The following ASTN1 variants were observed in gnomAD, a reference collection of about 807,000 sequenced individuals.
ASTN1 encodes astrotactin 1.
Under a neutral mutation model 140.7 loss-of-function variants are expected in ASTN1, and 41 were observed. The ratio of observed to expected loss-of-function variants is 0.29; its 90% confidence interval spans 0.23 to 0.38. The LOEUF (loss-of-function observed/expected upper bound fraction) is 0.38. Among genes scored for constraint, ASTN1 ranks in the 10% least tolerant of loss-of-function variants. The pLI is 1.00. For synonymous variants in ASTN1, 640 were observed against 652.2 expected, an observed-to-expected ratio of 0.98 and a Z score of 0.29; for missense variants, 1,479 against 1,678.8, an observed-to-expected ratio of 0.88 and a Z score of 2.08.
At chr1:177,020,769 T>C (rs886892303) in intron 7 of ASTN1, among the ~76,000 whole-genome samples, 6 of 152,310 alleles carry the variant, frequency 3.9e-5, no homozygotes, top group African/African-American at 1.4e-4. Flanking sequence ...AGAGACTCAC[T>C]TGGGGATGCT....
At chr1:177,018,740 G>A (rs1675682113) in intron 7 of ASTN1, among the ~76,000 whole-genome samples, 2 of 152,100 alleles carry the variant, frequency 1.3e-5, no homozygotes, top group Admixed American at 6.5e-5. Flanking sequence ...GAAAGAGAAA[G>A]GTCACTGAAA....
At chr1:177,078,335 A>G (rs1679018720) in intron 1 of ASTN1, among the ~76,000 whole-genome samples, 1 of 152,018 alleles carries the variant, frequency 6.6e-6, no homozygotes, top group Admixed American at 6.6e-5. Flanking sequence ...CCTCACAAAC[A>G]TTTCCCACCA....
At chr1:176,878,118 C>T (rs892971511) in intron 20 of ASTN1, among the ~76,000 whole-genome samples, 6 of 152,164 alleles carry the variant, frequency 3.9e-5, no homozygotes, top group Non-Finnish European at 8.8e-5. Context: ...CAGGCAGCCC[C>T]CATACCACCT....
At chr1:176,970,377 G>C (rs907517637) in intron 8 of ASTN1, among the ~76,000 whole-genome samples, 2 of 152,124 alleles carry the variant, frequency 1.3e-5, no homozygotes, top group Admixed American at 1.3e-4. Context: ...GTGCAGCAAG[G>C]GACTACTCTT....
intron 16 of ASTN1, among the ~76,000 whole-genome samples, chr1:176,932,044 AC>A (rs770869394): frequency 5.3e-5 from 8 of 152,180 alleles, no homozygotes; most frequent in East Asian, 1.9e-4. Context: ...CACCTGGATG[AC>A]TCTAGACTTC....
chr1:177,108,226 G>A (rs190792439), intron 1 of ASTN1, among the ~76,000 whole-genome samples: 2 of 151,748 alleles, frequency 1.3e-5, no homozygotes, highest in African/African-American at 2.4e-5. Flanking sequence ...GTGCACGCCT[G>A]TAGTCCCAGC....
Position 176,957,836 on chromosome 1 carries a change from G to A in ASTN1, c.1737-8C>T. 1 of 1,612,860 alleles carries A rather than the reference G, an allele frequency of 6.2e-7. No homozygotes were observed. Among genetic ancestry groups the A allele is most frequent in the South Asian group, 1.1e-5 (1 of 90,850 alleles). The stretch of plus-strand genomic sequence containing the variant: ...GAAGTCATCAGCTCCTCTCTGTGGG[G>A]AGAAAGAGTGGGAAGCAGGGAGGAG... On this transcript the variant is annotated splice_polypyrimidine_tract_variant and splice_region_variant and intron_variant, in intron 10 of 22. Transcript: ENST00000361833.
At chr1:177,151,376 C>T (rs1264705227) in intron 1 of ASTN1, among the ~76,000 whole-genome samples, 2 of 151,532 alleles carry the variant, frequency 1.3e-5, no homozygotes, top group Non-Finnish European at 2.9e-5. Context: ...AAAGTTCTTA[C>T]CTATGGCATT....
intron 16 of ASTN1, among the ~76,000 whole-genome samples, chr1:176,904,393 A>G (rs55703428): frequency 6.6e-6 from 1 of 152,280 alleles, no homozygotes; most frequent in African/African-American, 2.4e-5. Flanking sequence ...AGAGATTCGG[A>G]GTCACAGCTC....
intron 8 of ASTN1, among the ~76,000 whole-genome samples, chr1:176,997,324 A>G (rs1674502295): frequency 6.6e-6 from 1 of 152,152 alleles, no homozygotes; most frequent in Admixed American, 6.5e-5. Context: ...AGTAGTTAGT[A>G]AGAGGTACAG....
chr1:177,041,284 T>C (rs1571695315), intron 2 of ASTN1, among the ~76,000 whole-genome samples: 2 of 152,350 alleles, frequency 1.3e-5, no homozygotes, highest in Admixed American at 6.5e-5. Flanking sequence ...GATGACATCA[T>C]GGATGGCACC....
chr1:176,944,437 T>G (rs1460445204), intron 13 of ASTN1, among the ~76,000 whole-genome samples: 1 of 152,046 alleles, frequency 6.6e-6, no homozygotes, highest in Non-Finnish European at 1.5e-5. Flanking sequence ...TTTTTTGTAT[T>G]TTTTGTAGAG....
chr1:177,104,598 C>T (rs1472530712), intron 1 of ASTN1, among the ~76,000 whole-genome samples: 1 of 152,124 alleles, frequency 6.6e-6, no homozygotes, highest in Non-Finnish European at 1.5e-5. Flanking sequence ...TAAATAATTT[C>T]AATAATTAAA....
intron 20 of ASTN1, among the ~76,000 whole-genome samples, chr1:176,878,570 C>T (rs960609267): frequency 1.3e-5 from 2 of 152,030 alleles, no homozygotes; most frequent in African/African-American, 4.8e-5. Context: ...GGTACTGTTT[C>T]TAGAATTGTG....
At chr1:177,047,717 A>G (rs1280281592) in intron 2 of ASTN1, among the ~76,000 whole-genome samples, 1 of 152,186 alleles carries the variant, frequency 6.6e-6, no homozygotes. Flanking sequence ...TTACAAAATA[A>G]AATGAGCAGA....
At chr1:176,950,681 T>G (rs1672156264) in intron 11 of ASTN1, among the ~76,000 whole-genome samples, 1 of 151,954 alleles carries the variant, frequency 6.6e-6, no homozygotes, top group Non-Finnish European at 1.5e-5. Context: ...TCTAATAGGC[T>G]GGAAGCAGGT....
At chr1:177,106,400 A>T (rs2102142941) in intron 1 of ASTN1, among the ~76,000 whole-genome samples, 1 of 152,112 alleles carries the variant, frequency 6.6e-6, no homozygotes, top group Non-Finnish European at 1.5e-5. Flanking sequence ...ATCATCCCAG[A>T]TATTCTATTT....
At chr1:177,112,525 G>C (rs1680871743) in intron 1 of ASTN1, among the ~76,000 whole-genome samples, 1 of 152,140 alleles carries the variant, frequency 6.6e-6, no homozygotes, top group African/African-American at 2.4e-5. Context: ...GGCAGATATG[G>C]GTAATGAGGT....
At chr1:177,139,576 A>G (rs1449867991) in intron 1 of ASTN1, among the ~76,000 whole-genome samples, 2 of 152,230 alleles carry the variant, frequency 1.3e-5, no homozygotes, top group Non-Finnish European at 2.9e-5. Flanking sequence ...AATGCTTGAG[A>G]ACTTTGAAAA....
Sources: allele counts gnomAD v4.1 joint callset (sites outside exome capture counted in the v4.1 genomes callset), GRCh38; gene constraint gnomAD v4.1.1; transcripts MANE v1.5; gene names NCBI Gene and HGNC (gene_info 2026-07-23, HGNC 2026-07-21).